ELK4: variants seen among roughly 807,000 people sequenced by gnomAD.
The protein encoded by ELK4 is ETS transcription factor ELK4, also known as ETS domain-containing protein Elk-4.
In ELK4, 16 loss-of-function variants were observed where a neutral mutation model predicts 29.6. The ratio of observed to expected loss-of-function variants is 0.54; its 90% CI spans 0.37 to 0.82. The LOEUF is 0.82. ELK4 is among the 40% of genes least tolerant of loss of function. ELK4 has a pLI of 0.00. For synonymous variants in ELK4, 213 were observed against 191.1 expected (o/e 1.11, Z -0.95); for missense variants, 465 against 507.1 (o/e 0.92, Z 0.80).
chr1:205,620,424 T>C lies in ELK4; in HGVS notation c.622A>G (p.Ile208Val). The C allele has an allele frequency of 6.2e-7, 1 of 1,614,104 alleles. No individual in the cohort carries two copies. The highest frequency in any genetic ancestry group is 2.2e-5 in the East Asian group (1 of 44,876). ...KPPVEPVAAT[I>V]SIGPSISPSS... ...GGAGAAATACTTGGGCCAATTGAAA[T>C]GGTGGCAGCAACAGGTTCAACCGGT... Residue 208 changes from isoleucine to valine, a missense_variant, in exon 3 of 5, where the codon ATT becomes GTT. Physicochemically the swap from Ile to Val is conservative, Grantham distance 29 (BLOSUM62 3). This residue lies in a region of ELK4 where 385 missense variants were observed against 387.5 expected (regional missense o/e 0.99). Transcript: ENST00000357992.
At chr1:205,622,732 C>T (rs1670374456) in intron 2 of ELK4, among the ~76,000 whole-genome samples, 1 of 152,154 alleles carries the variant, frequency 6.6e-6, no homozygotes, top group Admixed American at 6.6e-5. Flanking sequence ...ATTTACTTAT[C>T]CTCAAGAATC....
intron 3 of ELK4, chr1:205,619,660 A>G: frequency 7.3e-7 from 1 of 1,374,516 alleles, no homozygotes; most frequent in South Asian, 1.9e-5. Context: ...ATAAGACACC[A>G]ACGAGTTTTA....
At chr1:205,629,003 T>C (rs1295129259) in intron 1 of ELK4, among the ~76,000 whole-genome samples, 1 of 151,836 alleles carries the variant, frequency 6.6e-6, no homozygotes, top group Non-Finnish European at 1.5e-5. Flanking sequence ...GAAACCCCCG[T>C]GTCTATTAAA....
chr1:205,629,831 G>A (rs1291075885), intron 1 of ELK4, among the ~76,000 whole-genome samples: 3 of 152,146 alleles, frequency 2.0e-5, no homozygotes, highest in Admixed American at 6.5e-5. Flanking sequence ...GCCAAGGGGG[G>A]AGCTTGAGCT....
Position 205,620,784 on chromosome 1 carries a change from G to C in ELK4, c.262C>G (p.Pro88Ala), listed in dbSNP as rs1350494840. ...QKFVYKFVSY[P>A]EILNMDPMTV... ...ATTGGATCCATGTTCAAAATCTCTGGATAAGAGACAAACTTGTACACAAAC... is the reference window on the plus strand; with the variant it reads ...ATTGGATCCATGTTCAAAATCTCTGCATAAGAGACAAACTTGTACACAAAC... The change falls in exon 3 of 5, where the codon CCA becomes GCA. Residue 88 changes from proline (P) to alanine (A), a missense_variant. Physicochemically the swap from Pro to Ala is conservative, Grantham distance 27. Transcript: ENST00000357992. The C allele has an allele frequency of 1.9e-6, 3 of 1,613,528 alleles. No homozygotes were observed. The highest frequency in any genetic ancestry group is 2.5e-6 in the Non-Finnish European group (3 of 1,180,006).
rs1194065665 is a variant in ELK4 at position 205,613,201 on chromosome 1, T to A, written c.*3345A>T. On this transcript the variant is annotated 3_prime_UTR_variant, in exon 5 of 5. Transcript: ENST00000357992. Reference sequence around the variant, plus strand: ...AGAAGGATTACTAAGCCAGGTGTGGTGGTGCATGCCTGTAGCCCAGCTATG... The same window carrying A: ...AGAAGGATTACTAAGCCAGGTGTGGAGGTGCATGCCTGTAGCCCAGCTATG... The A allele has an allele frequency of 5.0e-6, 1 of 198,784 alleles. No individual in the cohort carries two copies. The highest frequency in any genetic ancestry group is 1.0e-5 in the Non-Finnish European group (1 of 96,156). The allele number at this position is 198,784 out of a possible 1,614,324, so 12.3% of individuals were successfully genotyped here.
At chr1:205,629,653 G>T (rs935310131) in intron 1 of ELK4, among the ~76,000 whole-genome samples, 8 of 151,992 alleles carry the variant, frequency 5.3e-5, no homozygotes, top group Non-Finnish European at 1.2e-4. Flanking sequence ...GGAGGCGGAG[G>T]TCACAGTGAG....
At chr1:205,626,465 C>T (rs538838578) in intron 1 of ELK4, among the ~76,000 whole-genome samples, 2 of 152,154 alleles carry the variant, frequency 1.3e-5, no homozygotes, top group Non-Finnish European at 2.9e-5. Flanking sequence ...CCAAGGGGCT[C>T]AGAACCCCAG....
rs958205875 is a variant in ELK4, at chr1:205,612,210, C to G, written c.*4336G>C. 8 of 203,136 alleles carry G rather than the reference C, an allele frequency of 3.9e-5. No individual in the cohort carries two copies. In the Admixed American group the frequency reaches 4.2e-4, roughly 11 times the overall value. 12.6% of individuals were successfully genotyped at this position (203,136 alleles called of 1,614,324 possible). A position where few individuals can be genotyped will look rare whatever the true frequency, so the allele number is the denominator to read the frequency against. On this transcript the variant is annotated 3_prime_UTR_variant, in exon 5 of 5. Transcript: ENST00000357992. The stretch of plus-strand genomic sequence containing the variant: ...TGAAATTTCAAAAGTTGACAATAAG[C>G]TCTCCTGAAAAACTCCAAATCTCTA...
chr1:205,616,388 C>T lies in ELK4; in HGVS notation c.*158G>A, dbSNP rs1670232048. Reference sequence around the variant, plus strand: ...CATATAGTCCAACTTGAGTCCTATTCAAAGAGAATCCTAAAAAGATGTTTT... The same window carrying T: ...CATATAGTCCAACTTGAGTCCTATTTAAAGAGAATCCTAAAAAGATGTTTT... On this transcript the variant is annotated 3_prime_UTR_variant, in exon 5 of 5. Transcript: ENST00000357992. 12 of 639,706 alleles carry T rather than the reference C, an allele frequency of 1.9e-5. No homozygotes were observed. In the South Asian group the frequency reaches 2.6e-4, roughly 14 times the overall value. The allele number at this position is 639,706 out of a possible 1,614,324, so 39.6% of individuals were successfully genotyped here.
rs756839661 is a variant in ELK4 at position 205,619,983 on chromosome 1, G to C, written c.1063C>G (p.Pro355Ala). The change falls in exon 3 of 5, where the codon CCA becomes GCA. Residue 355 changes from proline to alanine, a missense_variant. By Grantham distance (27) the Pro-to-Ala change is conservative (BLOSUM62 -1). This residue lies in a region of ELK4 where 80 missense variants were observed against 119.6 expected (regional missense o/e 0.67). Coordinates refer to ENST00000357992, the MANE Select transcript of ELK4 (RefSeq NM_001973.4). ...CAAGCTACCTGTGAAAAAAATGCTG[G>C]TGTAAGAGAAGCTGTAGGGAGAGAT... The part of the protein sequence containing the change: ...SPSLPTASLT[P>A]AFFSQTPIIL... 1.2e-6 allele frequency: 2 copies of C among 1,614,122 alleles called. No individual in the cohort carries two copies. Among genetic ancestry groups the C allele is most frequent in the Non-Finnish European group, 8.5e-7 (1 of 1,180,058 alleles).
chr1:205,631,401 A>C (rs1353621432), intron 1 of ELK4, among the ~76,000 whole-genome samples: 1 of 15,752 alleles, frequency 6.3e-5, no homozygotes, highest in African/African-American at 2.2e-4. Context: ...CGCCCACGAG[A>C]CTTCGGGGGA....
In ELK4 at chr1:205,612,816, A is replaced by G. The variant is rs1480486680; in HGVS notation, c.*3730T>C. 4.8e-6 allele frequency: 1 copy of G among 207,076 alleles called. No homozygotes were observed. Among genetic ancestry groups the G allele is most frequent in the Non-Finnish European group, 9.8e-6 (1 of 101,594 alleles). 12.8% of individuals were successfully genotyped at this position (207,076 alleles called of 1,614,324 possible). On this transcript the variant is annotated 3_prime_UTR_variant, in exon 5 of 5. Coordinates refer to ENST00000357992, the MANE Select transcript of ELK4 (RefSeq NM_001973.4). The stretch of plus-strand genomic sequence containing the variant: ...GAATTCCAAACCTCTGATTTACTTA[A>G]GTCAGTCTTGACTTTTAAAATCTGT...
chr1:205,625,296 A>G (rs939395021), intron 1 of ELK4, among the ~76,000 whole-genome samples: 1 of 492 alleles, frequency 2.0e-3, no homozygotes, highest in South Asian at 0.1. Context: ...CCTACGACTA[A>G]AAAAAAAAAA....
rs1670153116 is a variant in ELK4, at chr1:205,611,734, T to C, written c.*4812A>G. On this transcript the variant is annotated 3_prime_UTR_variant, in exon 5 of 5. Transcript: ENST00000357992. ...TTTCCTATTGGTTTGGTAATTCATT[T>C]AGAGCCCCAGATTTCTGCACAGAGA... 1 of 192,692 alleles carries C rather than the reference T, an allele frequency of 5.2e-6. No individual in the cohort carries two copies. The highest frequency in any genetic ancestry group is 2.3e-5 in the African/African-American group (1 of 43,166). The allele number at this position is 192,692 out of a possible 1,614,324, so 11.9% of individuals were successfully genotyped here. A position where few individuals can be genotyped will look rare whatever the true frequency, so the allele number is the denominator to read the frequency against.
chr1:205,631,588 G>A (rs1241726490), intron 1 of ELK4, 44 bp downstream of exon 1: 9 of 185,116 alleles, frequency 4.9e-5, no homozygotes, highest in African/African-American at 7.2e-5. Context: ...CGGTGGGGCT[G>A]TGGCCGCGAG....
chr1:205,611,697 T>C lies in ELK4; in HGVS notation c.*4849A>G. ...TTCAGATGACACACTACATCATGAG[T>C]AGTATTTTAACTTTCCTATTGGTTT... On this transcript the variant is annotated 3_prime_UTR_variant, in exon 5 of 5. Coordinates refer to ENST00000357992, the MANE Select transcript of ELK4 (RefSeq NM_001973.4). The C allele has an allele frequency of 5.2e-6, 1 of 191,980 alleles. No homozygotes were observed. Among genetic ancestry groups the C allele is most frequent in the Non-Finnish European group, 1.1e-5 (1 of 91,680 alleles). The allele number at this position is 191,980 out of a possible 1,614,324, so 11.9% of individuals were successfully genotyped here.
At position 205,631,657 on chromosome 1, in the gene ELK4, C is replaced by T. The variant is rs1445469807; in HGVS notation, c.-35G>A. On this transcript the variant is annotated 5_prime_UTR_variant, in exon 1 of 5. Coordinates refer to ENST00000357992, the MANE Select transcript of ELK4 (RefSeq NM_001973.4). Reference sequence around the variant, plus strand: ...CGACGCCGCGCGCGGGGCTCCCCCTCGGTCTCCGCCTCGAACACGATGCGC... The same window carrying T: ...CGACGCCGCGCGCGGGGCTCCCCCTTGGTCTCCGCCTCGAACACGATGCGC... The T allele has an allele frequency of 8.9e-6, 3 of 337,248 alleles. No individual in the cohort carries two copies. Among genetic ancestry groups the T allele is most frequent in the South Asian group, 4.0e-5 (2 of 50,116 alleles). The allele number at this position is 337,248 out of a possible 1,614,324, so 20.9% of individuals were successfully genotyped here.
intron 1 of ELK4, among the ~76,000 whole-genome samples, chr1:205,630,423 T>C (rs1670557898): frequency 6.6e-6 from 1 of 152,210 alleles, no homozygotes; most frequent in Non-Finnish European, 1.5e-5. Context: ...TGGTGACCCA[T>C]AGCCCAACTA....
Sources: allele counts gnomAD v4.1 joint callset (sites outside exome capture counted in the v4.1 genomes callset), GRCh38; gene constraint gnomAD v4.1.1; regional missense constraint gnomAD v4.1.1; transcripts MANE v1.5; gene names NCBI Gene and HGNC (gene_info 2026-07-23, HGNC 2026-07-21).